NTN4: variants seen among roughly 807,000 people sequenced by gnomAD.
NTN4 encodes netrin-4.
In NTN4, 32 loss-of-function variants were observed where a neutral mutation model predicts 73.6. The observed-to-expected ratio is 0.44, with a 90% CI of 0.33 to 0.58. The LOEUF is 0.58. NTN4 is among the 20% of genes least tolerant of loss of function. The pLI, the probability that NTN4 is intolerant of heterozygous loss-of-function variation, is 0.04. For missense variants in NTN4, 654 were observed against 798.3 expected (o/e 0.82, Z 2.18); for synonymous variants, 258 against 287.5 (o/e 0.90, Z 1.04).
chr12:95,728,500 T>C (rs1357670405), intron 3 of NTN4, among the ~76,000 whole-genome samples: 1 of 152,220 alleles, frequency 6.6e-6, no homozygotes, highest in Non-Finnish European at 1.5e-5. Flanking sequence ...TTTTTATTCC[T>C]GGTGTGTTAA....
intron 2 of NTN4, among the ~76,000 whole-genome samples, chr12:95,780,819 G>GT (rs2079127199): frequency 1.3e-5 from 2 of 152,176 alleles, no homozygotes; most frequent in Non-Finnish European, 2.9e-5. Context: ...CCAAAGGATT[G>GT]TAAGTCATGC....
intron 1 of NTN4, among the ~76,000 whole-genome samples, chr12:95,788,517 A>G (rs182339314): frequency 6.6e-6 from 1 of 150,996 alleles, no homozygotes; most frequent in African/African-American, 2.5e-5. Flanking sequence ...AAAGGTTAAA[A>G]CAGAGGGGGA....
chr12:95,763,271 C>G (rs1251519830), intron 2 of NTN4, among the ~76,000 whole-genome samples: 1 of 152,034 alleles, frequency 6.6e-6, no homozygotes, highest in African/African-American at 2.4e-5. Context: ...GAACATGAGG[C>G]CATTTAACTC....
chr12:95,682,581 T>C (rs2078326654), intron 7 of NTN4, 126 bp downstream of exon 7: 1 of 586,236 alleles, frequency 1.7e-6, no homozygotes, highest in Non-Finnish European at 3.0e-6. Context: ...TACTTTATTA[T>C]ACCATGAAAC....
chr12:95,725,302 G>T (rs11108216), intron 3 of NTN4, among the ~76,000 whole-genome samples: 24,392 of 152,072 alleles, frequency 0.16, 2,241 homozygotes, highest in South Asian at 0.22. Flanking sequence ...GAAGGAAGGT[G>T]TTGTAGGGTT....
intron 3 of NTN4, among the ~76,000 whole-genome samples, chr12:95,720,429 C>T (rs1432175062): frequency 2.0e-5 from 3 of 152,084 alleles, no homozygotes; most frequent in Middle Eastern, 3.2e-3. Context: ...ATACATTATC[C>T]GCCTCTCTCT....
intron 2 of NTN4, among the ~76,000 whole-genome samples, chr12:95,785,939 C>T (rs778909261): frequency 2.0e-5 from 3 of 152,094 alleles, no homozygotes; most frequent in Non-Finnish European, 4.4e-5. Context: ...TTTTGTGCAT[C>T]GTCTGAGGTT....
At chr12:95,687,022 C>A (rs2078366150) in intron 5 of NTN4, among the ~76,000 whole-genome samples, 1 of 152,222 alleles carries the variant, frequency 6.6e-6, no homozygotes, top group Non-Finnish European at 1.5e-5. Context: ...CCTCAGTGCT[C>A]CTGGCCCTTG....
At chr12:95,749,477 C>T (rs974170077) in intron 2 of NTN4, among the ~76,000 whole-genome samples, 8 of 152,194 alleles carry the variant, frequency 5.3e-5, no homozygotes, top group Non-Finnish European at 8.8e-5. Context: ...CTCACTGTCC[C>T]TCAACCACTT....
chr12:95,736,590 C>T (rs1460502905), intron 3 of NTN4, among the ~76,000 whole-genome samples: 3 of 152,184 alleles, frequency 2.0e-5, no homozygotes, highest in African/African-American at 7.2e-5. Flanking sequence ...TTGAATCCTA[C>T]CTGAACCCAG....
intron 2 of NTN4, among the ~76,000 whole-genome samples, chr12:95,746,818 T>C (rs2078866347): frequency 6.6e-6 from 1 of 152,172 alleles, no homozygotes; most frequent in African/African-American, 2.4e-5. Context: ...TAAGCTGGGG[T>C]AATTGTAGGG....
At chr12:95,675,452 C>T (rs955184162) in intron 7 of NTN4, among the ~76,000 whole-genome samples, 2 of 150,314 alleles carry the variant, frequency 1.3e-5, no homozygotes, top group African/African-American at 4.9e-5. Flanking sequence ...TAAAACTTTT[C>T]TGGATGTCTG....
chr12:95,787,368 G>A lies in NTN4; in HGVS notation c.156C>T (p.Thr52=). The A allele has an allele frequency of 1.2e-6, 2 of 1,614,214 alleles. No homozygotes were observed. The highest frequency in any genetic ancestry group is 1.7e-5 in the Admixed American group (1 of 60,026). The change falls in exon 2 of 10, where the codon ACC becomes ACT. Residue 52 remains threonine, a synonymous_variant. Coordinates refer to ENST00000343702, the MANE Select transcript of NTN4 (RefSeq NM_021229.4). ...ACAGTTCGGTAGCATTCTGACCGCA[G>A]GTGGTGTCTGCCCAGAGTTTTCGCC... ...ALGRKLWADT[T]CGQNATELYC...
At chr12:95,766,001 C>T (rs1030457226) in intron 2 of NTN4, among the ~76,000 whole-genome samples, 4 of 152,180 alleles carry the variant, frequency 2.6e-5, no homozygotes, top group Non-Finnish European at 4.4e-5. Flanking sequence ...CTCACACACG[C>T]AGACTGCCAT....
intron 2 of NTN4, among the ~76,000 whole-genome samples, chr12:95,757,522 A>C (rs2078954537): frequency 6.6e-6 from 1 of 152,170 alleles, no homozygotes; most frequent in Non-Finnish European, 1.5e-5. Context: ...ACTCTGAACC[A>C]TGGTAAAGGC....
chr12:95,719,047 C>T (rs190243325), intron 3 of NTN4, among the ~76,000 whole-genome samples: 13 of 152,202 alleles, frequency 8.5e-5, no homozygotes, highest in Admixed American at 3.3e-4. Flanking sequence ...ATAAAATTTG[C>T]TTCCCAATTG....
chr12:95,721,254 G>T (rs1334909070), intron 3 of NTN4, among the ~76,000 whole-genome samples: 1 of 152,110 alleles, frequency 6.6e-6, no homozygotes, highest in Non-Finnish European at 1.5e-5. Flanking sequence ...TGGACTCATG[G>T]TGAGCCACTT....
chr12:95,680,533 C>T (rs2078307147), intron 7 of NTN4, among the ~76,000 whole-genome samples: 1 of 152,174 alleles, frequency 6.6e-6, no homozygotes, highest in Non-Finnish European at 1.5e-5. Flanking sequence ...AAGTCACATA[C>T]AAGAGAACAT....
chr12:95,768,013 C>T (rs1328265641), intron 2 of NTN4, among the ~76,000 whole-genome samples: 1 of 152,186 alleles, frequency 6.6e-6, no homozygotes, highest in Non-Finnish European at 1.5e-5. Flanking sequence ...CTGCACATCC[C>T]TTATTCTGCC....
Sources: gnomAD v4.1 joint callset for allele counts (sites outside exome capture counted in the v4.1 genomes callset) on GRCh38, gnomAD v4.1.1 for gene constraint, MANE v1.5 for transcripts, NCBI Gene and HGNC (gene_info 2026-07-23, HGNC 2026-07-21) for gene names.